Variants in ROS1 observed in about 807,000 individuals in gnomAD.
The protein encoded by ROS1 is proto-oncogene tyrosine-protein kinase ROS.
Under a neutral mutation model 273.5 loss-of-function variants are expected in ROS1, and 263 were observed. That is an observed-to-expected ratio of 0.96 (90% CI 0.87 to 1.06). ROS1 has a LOEUF of 1.06. Ranked by LOEUF, ROS1 falls within the 50% of genes least tolerant of loss-of-function variation. The pLI, the probability that ROS1 is intolerant of heterozygous loss-of-function variation, is 0.00. For missense variants in ROS1, 2,833 were observed against 2,751.1 expected (o/e 1.03, Z -0.67); for synonymous variants, 1,008 against 954.1 (o/e 1.06, Z -1.04).
At position 117,397,093 on chromosome 6, in the gene ROS1, T is replaced by C. The variant is rs775173615; in HGVS notation, c.628A>G (p.Arg210Gly). ...TCGGGACTTGAGCTCTCAATATTCC[T>C]AATCAAAGGTGCAGTTTCAGGAACT... is the stretch of plus-strand genomic sequence containing the variant. ...HGVPETAPLI[R>G]NIESSSPDTV... Residue 210 changes from arginine to glycine, a missense_variant, in exon 8 of 44, where the codon AGG (arginine) becomes GGG (glycine). Coordinates refer to ENST00000368507, the MANE Select transcript of ROS1 (RefSeq NM_001378902.1). 7 of 1,612,734 alleles carry C rather than the reference T, an allele frequency of 4.3e-6. No individual in the cohort carries two copies. Among genetic ancestry groups the C allele is most frequent in the South Asian group, 3.3e-5 (3 of 90,984 alleles).
At chr6:117,314,281 G>A (rs1175928939) in intron 39 of ROS1, among the ~76,000 whole-genome samples, 1 of 152,068 alleles carries the variant, frequency 6.6e-6, no homozygotes, top group Admixed American at 6.6e-5. Flanking sequence ...AACTGACATG[G>A]CAGACAAAGC....
chr6:117,341,929 C>T (rs140208722), intron 29 of ROS1, among the ~76,000 whole-genome samples: 213 of 152,216 alleles, frequency 1.4e-3, no homozygotes, highest in Middle Eastern at 3.4e-3. Flanking sequence ...CTGAAATAAA[C>T]GTCATCACCT....
intron 18 of ROS1, among the ~76,000 whole-genome samples, chr6:117,375,395 T>TTA (rs1046747849): frequency 8.2e-5 from 12 of 147,032 alleles, no homozygotes; most frequent in African/African-American, 3.0e-4. Flanking sequence ...ACTAAAGAAC[T>TTA]TATCCATGTA....
chr6:117,370,832 A>G (rs1353516850), intron 18 of ROS1, among the ~76,000 whole-genome samples: 1 of 152,222 alleles, frequency 6.6e-6, no homozygotes, highest in Non-Finnish European at 1.5e-5. Context: ...ATTCACCCAC[A>G]AAAATGGCAA....
At chr6:117,411,776 C>T (rs927178341) in intron 4 of ROS1, among the ~76,000 whole-genome samples, 1 of 152,142 alleles carries the variant, frequency 6.6e-6, no homozygotes, top group East Asian at 1.9e-4. Flanking sequence ...TCATGCCAAG[C>T]ATGGTTTTGG....
At chr6:117,301,567 GT>G (rs1235507810) in intron 42 of ROS1, 1 of 154,148 alleles carries the variant, frequency 6.5e-6, no homozygotes, top group Non-Finnish European at 1.4e-5. Flanking sequence ...CCCTCCTGAA[GT>G]TGAAAACTTG....
rs117467905 is a variant in ROS1 at position 117,322,967 on chromosome 6, T to C, written c.5623+1365A>G. Among the ~76,000 whole-genome samples, 62 of 152,282 alleles carry C rather than the reference T, an allele frequency of 4.1e-4. 1 individual carries two copies. In the East Asian group the frequency reaches 0.01, roughly 26 times the overall value. ...GTTATGGGTTTAAACAATGGTGATG[T>C]ACAAGAAAGCAAGCAAAGGTCAGCT... On this transcript the variant is annotated intron_variant, in intron 35 of 43. Coordinates refer to ENST00000368507, the MANE Select transcript of ROS1 (RefSeq NM_001378902.1).
At position 117,364,425 on chromosome 6, in the gene ROS1, T is replaced by G. The variant is rs2128657961; in HGVS notation, c.3103+635A>C. On this transcript the variant is annotated intron_variant, in intron 21 of 43. Transcript: ENST00000368507. Reference sequence around the variant, plus strand: ...CCCAGCCCAGCCACTTAGTAACTATTTTATTTGGGCAACTACTAGGCTTTC... The same window carrying G: ...CCCAGCCCAGCCACTTAGTAACTATGTTATTTGGGCAACTACTAGGCTTTC... Among the ~76,000 whole-genome samples the G allele has an allele frequency of 1.3e-5, 2 of 152,286 alleles. 1 individual carries two copies. The highest frequency in any genetic ancestry group is 1.3e-4 in the Admixed American group (2 of 15,292).
chr6:117,358,014 A>C lies in ROS1; in HGVS notation c.3634-5T>G, dbSNP rs773969137. The C allele has an allele frequency of 4.4e-6, 7 of 1,603,468 alleles. No individual in the cohort carries two copies. The South Asian group carries it at 6.6e-5, about 15-fold the overall frequency. The stretch of plus-strand genomic sequence containing the variant: ...AACCAGTGAATCTTGGAAAAGCTTA[A>C]CAACAGGTAGAGAACACAGCCAAGA... On this transcript the variant is annotated splice_polypyrimidine_tract_variant and splice_region_variant and intron_variant, in intron 24 of 43. Transcript: ENST00000368507.
intron 38 of ROS1, among the ~76,000 whole-genome samples, 156 bp downstream of exon 38, chr6:117,318,032 T>C (rs927301615): frequency 2.3e-4 from 35 of 152,142 alleles, no homozygotes; most frequent in Admixed American, 2.0e-3. Flanking sequence ...TTGGCCTCTA[T>C]AGACTACTTG....
Position 117,365,183 on chromosome 6 carries a change from A to T in ROS1, c.2980T>A (p.Ser994Thr), listed in dbSNP as rs778913413. 1.2e-6 allele frequency: 2 copies of T among 1,606,022 alleles called. No homozygotes were observed. The highest frequency in any genetic ancestry group is 4.5e-5 in the East Asian group (2 of 44,836). ...HSKFLASEQH[S>T]LPVFTVEGLE... ...CCTTCCACAGTAAATACAGGTAAAGAGTGTTGTTCACTAGCCAAGAACTAA... is the reference window on the plus strand; with the variant it reads ...CCTTCCACAGTAAATACAGGTAAAGTGTGTTGTTCACTAGCCAAGAACTAA... Residue 994 changes from serine to threonine, a missense_variant, in exon 21 of 44, where the codon TCT (serine) becomes ACT (threonine). Ser to Thr is a moderately conservative substitution (Grantham distance 58). Transcript: ENST00000368507.
intron 16 of ROS1, among the ~76,000 whole-genome samples, chr6:117,384,751 T>C (rs72965317): frequency 0.076 from 11,616 of 152,190 alleles, 544 homozygotes; most frequent in Non-Finnish European, 0.097. Flanking sequence ...ATCTATGGAC[T>C]TTATCTGCTA....
rs749104898 is a variant in ROS1 at position 117,360,305 on chromosome 6, T to C, written c.3430+37A>G. The C allele has an allele frequency of 5.6e-6, 6 of 1,065,692 alleles. No individual in the cohort carries two copies. The South Asian group carries it at 9.1e-5, about 16-fold the overall frequency. The allele number at this position is 1,065,692 out of a possible 1,614,324, so 66.0% of individuals were successfully genotyped here. A position where few individuals can be genotyped will look rare whatever the true frequency, so the allele number is the denominator to read the frequency against. On this transcript the variant is annotated intron_variant, in intron 23 of 43. Coordinates refer to ENST00000368507, the MANE Select transcript of ROS1 (RefSeq NM_001378902.1). ...ACACACACACACACACACACGCCTC[T>C]AAATTATTATTTGCACAGATTTTAG...
chr6:117,338,502 A>G (rs1777646905), intron 31 of ROS1, among the ~76,000 whole-genome samples: 2 of 150,728 alleles, frequency 1.3e-5, no homozygotes, highest in African/African-American at 4.8e-5. Context: ...CATAATATTT[A>G]CTGTGAACCT....
intron 21 of ROS1, among the ~76,000 whole-genome samples, chr6:117,363,854 A>G (rs1183381394): frequency 6.6e-6 from 1 of 152,104 alleles, no homozygotes; most frequent in African/African-American, 2.4e-5. Context: ...TATGAACTCC[A>G]TCAGAGAAAG....
chr6:117,318,305 CTCAGTGGGTTAA>C lies in ROS1; in HGVS notation c.5923-65_5923-54del, dbSNP rs1163142919. The C allele has an allele frequency of 6.1e-6, 8 of 1,301,714 alleles. No homozygotes were observed. The East Asian group carries it at 1.9e-4, about 30-fold the overall frequency. 80.6% of individuals were successfully genotyped at this position (1,301,714 alleles called of 1,614,324 possible). A position where few individuals can be genotyped will look rare whatever the true frequency, so the allele number is the denominator to read the frequency against. On this transcript the variant is annotated intron_variant, in intron 37 of 43. Transcript: ENST00000368507. ...TCAGTATAGCAGACATTTCTGTGAGCTCAGTGGGTTAATGGAGATTGTTCTGTTTGTTCTGTA... is the reference window on the plus strand; with the variant it reads ...TCAGTATAGCAGACATTTCTGTGAGCTGGAGATTGTTCTGTTTGTTCTGTA...
Position 117,288,483 on chromosome 6 carries a change from A to G in ROS1, c.*9T>C, listed in dbSNP as rs1187264495. On this transcript the variant is annotated 3_prime_UTR_variant, in exon 44 of 44. Coordinates refer to ENST00000368507, the MANE Select transcript of ROS1 (RefSeq NM_001378902.1). ...TTTATCTCAACTCTCTATTTCCCAAACAACGCTATTAATCAGACCCATCTC... is the reference window on the plus strand; with the variant it reads ...TTTATCTCAACTCTCTATTTCCCAAGCAACGCTATTAATCAGACCCATCTC... 1.3e-6 allele frequency: 2 copies of G among 1,596,324 alleles called. No individual in the cohort carries two copies. Among genetic ancestry groups the G allele is most frequent in the East Asian group, 2.2e-5 (1 of 44,784 alleles).
At position 117,308,925 on chromosome 6, in the gene ROS1, A is replaced by G. The variant is rs561182249; in HGVS notation, c.6420T>C (p.Ser2140=). Residue 2140 remains serine, a synonymous_variant, in exon 42 of 44, where the codon TCT becomes TCC. Coordinates refer to ENST00000368507, the MANE Select transcript of ROS1 (RefSeq NM_001378902.1). ...GIFTTQSDVW[S]FGILIWEILT... ...AAATCTCCCAAATCAGAATTCCAAA[A>G]GACCTAAGAATAGTAGAGGGTTTGC... is the stretch of plus-strand genomic sequence containing the variant. 6.2e-7 allele frequency: 1 copy of G among 1,612,880 alleles called. No homozygotes were observed. Among genetic ancestry groups the G allele is most frequent in the South Asian group, 1.1e-5 (1 of 90,952 alleles).
chr6:117,318,122 T>C, intron 38 of ROS1, 66 bp downstream of exon 38: 1 of 1,184,802 alleles, frequency 8.4e-7, no homozygotes, highest in South Asian at 1.3e-5. Flanking sequence ...ATTTTGGGTG[T>C]TAAAAATAAG....
Sources: allele counts gnomAD v4.1 joint callset (sites outside exome capture counted in the v4.1 genomes callset), GRCh38; gene constraint gnomAD v4.1.1; transcripts MANE v1.5; gene names NCBI Gene and HGNC (gene_info 2026-07-23, HGNC 2026-07-21).